Variants in ZRANB3 observed in about 807,000 individuals in gnomAD.
The protein encoded by ZRANB3 is DNA annealing helicase and endonuclease ZRANB3.
In ZRANB3, 125 loss-of-function variants were observed where a neutral mutation model predicts 133.8. The observed-to-expected ratio is 0.93, with a 90% CI of 0.81 to 1.08. The LOEUF (loss-of-function observed/expected upper bound fraction) is 1.08. Among genes scored for constraint, ZRANB3 ranks in the 50% least tolerant of loss-of-function variants. ZRANB3 has a pLI of 0.00. For synonymous variants in ZRANB3, 387 were observed against 432.7 expected, an observed-to-expected ratio of 0.89 and a Z score of 1.31; for missense variants, 1,229 against 1,275.5, an observed-to-expected ratio of 0.96 and a Z score of 0.56.
intron 3 of ZRANB3, among the ~76,000 whole-genome samples, chr2:135,363,370 T>A (rs1685775633): frequency 1.3e-5 from 2 of 152,120 alleles, no homozygotes; most frequent in African/African-American, 4.8e-5. Context: ...CAGTAAAAAA[T>A]GAGATACTTA....
rs578133354 is a variant in ZRANB3, at chr2:135,386,038, C to G, written c.180+4764G>C. ...TCCTCTGCAAGGCAAAAGAAACTAC[C>G]ATCAGAGTGAACAGGCAACATACAG... is the stretch of plus-strand genomic sequence containing the variant. On this transcript the variant is annotated intron_variant, in intron 3 of 20. Coordinates refer to ENST00000264159, the MANE Select transcript of ZRANB3 (RefSeq NM_032143.4). Among the ~76,000 whole-genome samples, 8 of 152,186 alleles carry G rather than the reference C, an allele frequency of 5.3e-5. No homozygotes were observed. In the South Asian group the frequency reaches 1.7e-3, roughly 32 times the overall value.
At position 135,440,275 on chromosome 2, in the gene ZRANB3, C is replaced by T. The variant is rs563833523; in HGVS notation, c.162-49455G>A. Among the ~76,000 whole-genome samples, 7 of 152,004 alleles carry T rather than the reference C, an allele frequency of 4.6e-5. No homozygotes were observed. In the East Asian group the frequency reaches 9.7e-4, roughly 21 times the overall value. On this transcript the variant is annotated intron_variant, in intron 2 of 20. Coordinates refer to ENST00000264159, the MANE Select transcript of ZRANB3 (RefSeq NM_032143.4). The stretch of plus-strand genomic sequence containing the variant: ...TAAATATGTCTATTTTACCACAGTC[C>T]AATATGGTGAAACCCCATCTCTACC...
chr2:135,244,395 C>G (rs1395675934), intron 12 of ZRANB3, among the ~76,000 whole-genome samples: 1 of 152,138 alleles, frequency 6.6e-6, no homozygotes, highest in African/African-American at 2.4e-5. Context: ...CACTTGAGGT[C>G]AGGAGTTCGA....
chr2:135,360,562 A>G (rs1053374051), intron 3 of ZRANB3, among the ~76,000 whole-genome samples: 5 of 144,880 alleles, frequency 3.5e-5, no homozygotes, highest in East Asian at 2.2e-4. Context: ...AAAATTAGCC[A>G]AGCGTGGTGG....
intron 2 of ZRANB3, among the ~76,000 whole-genome samples, chr2:135,394,546 A>G (rs1558967295): frequency 6.6e-6 from 1 of 152,178 alleles, no homozygotes; most frequent in Admixed American, 6.6e-5. Flanking sequence ...GTGATCACCT[A>G]GGAAGGAAGA....
intron 13 of ZRANB3, among the ~76,000 whole-genome samples, chr2:135,228,832 T>C (rs181782908): frequency 2.2e-4 from 34 of 152,304 alleles, no homozygotes; most frequent in Admixed American, 3.3e-4. Context: ...ACTATGTATT[T>C]CTCTCTAATC....
chr2:135,265,217 C>A (rs1020409568), intron 12 of ZRANB3, among the ~76,000 whole-genome samples: 1 of 152,112 alleles, frequency 6.6e-6, no homozygotes, highest in Non-Finnish European at 1.5e-5. Context: ...ATATCTGAAT[C>A]TTTTTCTTTA....
At chr2:135,467,617 G>A (rs1443635174) in intron 2 of ZRANB3, among the ~76,000 whole-genome samples, 1 of 152,048 alleles carries the variant, frequency 6.6e-6, no homozygotes, top group Non-Finnish European at 1.5e-5. Context: ...CTTTCTAATT[G>A]TCTCTCTTTG....
intron 12 of ZRANB3, among the ~76,000 whole-genome samples, chr2:135,239,889 C>T (rs1695475611): frequency 6.6e-6 from 1 of 151,354 alleles, no homozygotes; most frequent in Non-Finnish European, 1.5e-5. Flanking sequence ...GAGACTGAGG[C>T]AGAAGAACCG....
intron 2 of ZRANB3, among the ~76,000 whole-genome samples, chr2:135,415,951 C>T (rs547251557): frequency 9.6e-4 from 143 of 148,512 alleles, no homozygotes; most frequent in African/African-American, 2.6e-3. Context: ...ATTGATGGGA[C>T]GTATCTCAAA....
At chr2:135,474,492 T>G (rs1189129419) in intron 2 of ZRANB3, among the ~76,000 whole-genome samples, 1 of 152,030 alleles carries the variant, frequency 6.6e-6, no homozygotes, top group Non-Finnish European at 1.5e-5. Context: ...TCTCACACGT[T>G]TAGTTACCAT....
chr2:135,510,877 G>C (rs1693421672), intron 1 of ZRANB3: 1 of 1,199,226 alleles, frequency 8.3e-7, no homozygotes, highest in Admixed American at 1.7e-5. Flanking sequence ...AAATCTTTAA[G>C]CTCTGATTTG....
intron 6 of ZRANB3, among the ~76,000 whole-genome samples, chr2:135,344,771 A>G (rs978440220): frequency 7.2e-5 from 11 of 152,190 alleles, no homozygotes; most frequent in Non-Finnish European, 1.3e-4. Flanking sequence ...AATAAAATGA[A>G]TATCAAAGCT....
At chr2:135,246,735 C>T (rs574346942) in intron 12 of ZRANB3, among the ~76,000 whole-genome samples, 1 of 152,246 alleles carries the variant, frequency 6.6e-6, no homozygotes, top group South Asian at 2.1e-4. Context: ...GTCTTTTGTT[C>T]AATATTGTTT....
At chr2:135,429,503 G>A (rs1574090856) in intron 2 of ZRANB3, among the ~76,000 whole-genome samples, 3 of 152,086 alleles carry the variant, frequency 2.0e-5, no homozygotes, top group African/African-American at 7.2e-5. Flanking sequence ...ACCTGCACAT[G>A]TACCCCTGAA....
intron 8 of ZRANB3, among the ~76,000 whole-genome samples, chr2:135,277,104 T>C (rs1454640346): frequency 6.6e-6 from 1 of 152,202 alleles, no homozygotes; most frequent in Non-Finnish European, 1.5e-5. Context: ...GGGGATTACA[T>C]GAAAGTTACA....
intron 12 of ZRANB3, among the ~76,000 whole-genome samples, chr2:135,259,082 G>C (rs978442088): frequency 6.6e-6 from 1 of 152,126 alleles, no homozygotes; most frequent in African/African-American, 2.4e-5. Context: ...CTGTTGCCCA[G>C]GCTGGAGTAC....
intron 2 of ZRANB3, among the ~76,000 whole-genome samples, chr2:135,488,904 T>C (rs1033770071): frequency 2.3e-4 from 34 of 150,368 alleles, no homozygotes; most frequent in African/African-American, 8.5e-4. Context: ...GATTATACTA[T>C]ATAGCATAAT....
chr2:135,265,391 G>T, intron 12 of ZRANB3, 143 bp downstream of exon 12: 1 of 763,938 alleles, frequency 1.3e-6, no homozygotes, highest in Non-Finnish European at 1.9e-6. Flanking sequence ...ATTAATTTTT[G>T]GCTCTAAGAG....
Sources: allele counts gnomAD v4.1 joint callset (sites outside exome capture counted in the v4.1 genomes callset), GRCh38; gene constraint gnomAD v4.1.1; transcripts MANE v1.5; gene names NCBI Gene and HGNC (gene_info 2026-07-23, HGNC 2026-07-21).